The following RARB variants were observed in gnomAD, a reference collection of about 807,000 sequenced individuals.
RARB encodes retinoic acid receptor beta.
Under a neutral mutation model 51.9 loss-of-function variants are expected in RARB, and 17 were observed. The observed-to-expected ratio is 0.33, with a 90% CI of 0.22 to 0.49. The LOEUF is 0.49. RARB is among the 20% of genes least tolerant of loss of function. The probability of loss-of-function intolerance (pLI) is 0.99; values close to 1 mark genes in which losing one functional copy is unlikely to be tolerated. For missense variants in RARB, 369 were observed against 550.8 expected (o/e 0.67, Z 3.30); for synonymous variants, 215 against 195.4 (o/e 1.10, Z -0.84).
intron 2 of RARB, among the ~76,000 whole-genome samples, chr3:24,930,761 C>T (rs1294818600): frequency 6.6e-6 from 1 of 152,028 alleles, no homozygotes; most frequent in African/African-American, 2.4e-5. Context: ...ATAATCCCAG[C>T]ATTTTGGAAG....
At chr3:25,520,495 A>G (rs7637343) in intron 3 of RARB, among the ~76,000 whole-genome samples, 6,829 of 152,298 alleles carry the variant, frequency 0.045, 553 homozygotes, top group African/African-American at 0.16. Flanking sequence ...GCAACTAACT[A>G]TGAAGTTATA....
intron 3 of RARB, among the ~76,000 whole-genome samples, chr3:25,105,366 T>TA (rs1699479080): frequency 1.5e-5 from 2 of 135,920 alleles, no homozygotes; most frequent in African/African-American, 5.5e-5. Context: ...ATAGCACTTT[T>TA]AAAAAATTCA....
chr3:24,928,418 T>C (rs994157064), intron 2 of RARB, among the ~76,000 whole-genome samples: 6 of 152,036 alleles, frequency 3.9e-5, no homozygotes, highest in African/African-American at 7.2e-5. Flanking sequence ...CGAACAAAGA[T>C]GGAAAGACCT....
intron 2 of RARB, among the ~76,000 whole-genome samples, chr3:25,029,088 C>T (rs1050320605): frequency 6.6e-6 from 1 of 152,180 alleles, no homozygotes; most frequent in Non-Finnish European, 1.5e-5. Flanking sequence ...ATCCTGGCTG[C>T]CATATGCAGT....
intron 2 of RARB, among the ~76,000 whole-genome samples, chr3:24,863,062 C>A (rs370863926): frequency 2.0e-5 from 3 of 152,118 alleles, no homozygotes; most frequent in South Asian, 4.1e-4. Context: ...AGAATAGCCC[C>A]ATATTAACAC....
chr3:25,170,873 T>C (rs1336353429), intron 4 of RARB, among the ~76,000 whole-genome samples: 1 of 152,152 alleles, frequency 6.6e-6, no homozygotes, highest in African/African-American at 2.4e-5. Context: ...TTTGTAAAGA[T>C]TACCAAGACC....
chr3:24,957,128 G>A (rs934158954), intron 2 of RARB, among the ~76,000 whole-genome samples: 5 of 152,180 alleles, frequency 3.3e-5, no homozygotes, highest in Non-Finnish European at 7.3e-5. Context: ...CAAGAGCTAT[G>A]AGCAGACAAC....
chr3:25,551,344 T>A (rs889319038), intron 3 of RARB, among the ~76,000 whole-genome samples: 4 of 152,236 alleles, frequency 2.6e-5, no homozygotes, highest in African/African-American at 9.6e-5. Flanking sequence ...GAAGATGAGC[T>A]ATTGTCTGCA....
In RARB at chr3:25,443,520, G is replaced by GAGAATCGCTTAAA. The variant is rs570388970; in HGVS notation, c.157+14634_157+14646dup. On this transcript the variant is annotated intron_variant, in intron 1 of 7. Transcript: ENST00000330688. The stretch of plus-strand genomic sequence containing the variant: ...TCAGCTACTCAGGAGGCTGAGGCAG[G>GAGAATCGCTTAAA]AGAATCGCTTAAAACCCGGGAGGCG... Among the ~76,000 whole-genome samples, 6 of 151,954 alleles carry GAGAATCGCTTAAA rather than the reference G, an allele frequency of 3.9e-5. No individual in the cohort carries two copies. The South Asian group carries it at 1.3e-3, about 32-fold the overall frequency.
chr3:25,381,811 G>T (rs184952672), intron 5 of RARB, among the ~76,000 whole-genome samples: 65 of 152,290 alleles, frequency 4.3e-4, no homozygotes, highest in Non-Finnish European at 2.1e-4. Flanking sequence ...CCTGGAGGGT[G>T]GGCCAGGAAA....
intron 5 of RARB, among the ~76,000 whole-genome samples, chr3:25,302,611 T>C (rs1354655562): frequency 2.0e-5 from 3 of 152,058 alleles, no homozygotes; most frequent in Non-Finnish European, 2.9e-5. Flanking sequence ...CAAGCGACAA[T>C]GGGGAGTGGC....
At chr3:25,228,217 G>GTTTTTTTTTTTTTTTT (rs55796125) in intron 5 of RARB, among the ~76,000 whole-genome samples, 3 of 105,628 alleles carry the variant, frequency 2.8e-5, no homozygotes, top group African/African-American at 7.6e-5. Flanking sequence ...GACTTTGAGG[G>GTTTTTTTTTTTTTTTT]TTTTTTTTTT....
At chr3:25,345,155 G>T (rs11718046) in intron 5 of RARB, among the ~76,000 whole-genome samples, 14,327 of 152,152 alleles carry the variant, frequency 0.094, 807 homozygotes, top group South Asian at 0.2. Flanking sequence ...AAGAGAAAAA[G>T]TGTTCTCAAC....
At chr3:25,402,844 T>G (rs1194067495) in intron 5 of RARB, among the ~76,000 whole-genome samples, 1 of 151,814 alleles carries the variant, frequency 6.6e-6, no homozygotes, top group East Asian at 1.9e-4. Flanking sequence ...ATGAGGATGG[T>G]TAATGGGTAC....
chr3:24,964,299 T>C (rs1696208007), intron 2 of RARB, among the ~76,000 whole-genome samples: 2 of 152,208 alleles, frequency 1.3e-5, no homozygotes, highest in Non-Finnish European at 2.9e-5. Flanking sequence ...AAATTTGATT[T>C]ACAAATTAAA....
intron 2 of RARB, among the ~76,000 whole-genome samples, chr3:25,054,498 A>G (rs1249017750): frequency 6.6e-6 from 1 of 152,146 alleles, no homozygotes; most frequent in East Asian, 1.9e-4. Context: ...CCATGATCTC[A>G]CTTTGTATAT....
chr3:24,879,064 A>AT lies in RARB; in HGVS notation c.-380+20313dup, dbSNP rs201118649. Among the ~76,000 whole-genome samples the AT allele has an allele frequency of 2.5e-3, 381 of 151,954 alleles. 1 individual carries two copies. Among genetic ancestry groups the AT allele is most frequent in the African/African-American group, 8.9e-3 (368 of 41,374 alleles). On this transcript the variant is annotated intron_variant, in intron 2 of 11. Transcript: ENST00000383772. ...CACCTACTTTTCTTTTATGTTTTAT[A>AT]TATTTTTTTTCTCACTGTAGACTTA... is the stretch of plus-strand genomic sequence containing the variant.
intron 1 of RARB, among the ~76,000 whole-genome samples, chr3:25,456,370 A>G (rs2125548571): frequency 6.6e-6 from 1 of 152,200 alleles, no homozygotes; most frequent in East Asian, 1.9e-4. Flanking sequence ...AAAAAAAGAA[A>G]AGGACCTCTG....
intron 3 of RARB, among the ~76,000 whole-genome samples, chr3:25,064,758 C>A (rs1698627381): frequency 6.6e-6 from 1 of 152,162 alleles, no homozygotes; most frequent in South Asian, 2.1e-4. Flanking sequence ...TTCCACTAGA[C>A]TCAGAGCCCC....
Sources: gnomAD v4.1 joint callset for allele counts (sites outside exome capture counted in the v4.1 genomes callset) on GRCh38, gnomAD v4.1.1 for gene constraint, MANE v1.5 for transcripts, NCBI Gene and HGNC (gene_info 2026-07-23, HGNC 2026-07-21) for gene names.